Variants in SFI1 observed in about 807,000 individuals in gnomAD.
SFI1 encodes protein SFI1 homolog.
Under a neutral mutation model 207.5 loss-of-function variants are expected in SFI1, and 195 were observed. The ratio of observed to expected loss-of-function variants is 0.94; its 90% confidence interval spans 0.84 to 1.06. SFI1 has a LOEUF of 1.06. SFI1 is among the 50% of genes least tolerant of loss of function. SFI1 has a pLI of 0.00. For missense variants in SFI1, 1,634 were observed against 1,588.0 expected (o/e 1.03, Z -0.49); for synonymous variants, 630 against 598.9 (o/e 1.05, Z -0.76).
chr22:31,601,423 A>C (rs1399470862), intron 15 of SFI1, among the ~76,000 whole-genome samples: 1 of 152,092 alleles, frequency 6.6e-6, no homozygotes. Flanking sequence ...ATGCCCGGCC[A>C]ACCTTTCTAC....
At chr22:31,611,699 C>T in intron 23 of SFI1, 67 bp from the exon 24 acceptor site, 1 of 1,507,946 alleles carries the variant, frequency 6.6e-7, no homozygotes, top group Non-Finnish European at 9.0e-7. Flanking sequence ...TGGGTTAGAT[C>T]AGGACCCACC....
At chr22:31,508,901 A>G (rs988508889) in intron 2 of SFI1, among the ~76,000 whole-genome samples, 5 of 152,142 alleles carry the variant, frequency 3.3e-5, no homozygotes, top group Admixed American at 1.3e-4. Flanking sequence ...TAGTTCCTCT[A>G]TACCCACAAG....
intron 4 of SFI1, among the ~76,000 whole-genome samples, chr22:31,546,239 T>C (rs2060069730): frequency 6.6e-6 from 1 of 151,758 alleles, no homozygotes. Flanking sequence ...CCTGGCCTCA[T>C]GCAGTCCTCC....
At chr22:31,568,206 GTGTGTATA>G (rs1569333989) in intron 8 of SFI1, among the ~76,000 whole-genome samples, 14 of 136,776 alleles carry the variant, frequency 1.0e-4, no homozygotes, top group East Asian at 6.6e-4. Flanking sequence ...GTGTGTGTGT[GTGTGTATA>G]TATATATATA....
rs942447740 is a variant in SFI1, at chr22:31,615,448, A to G, written c.3300+169A>G. On this transcript the variant is annotated intron_variant, in intron 29 of 32. Transcript: ENST00000400288. ...ACTGCACACCAGGTCCAAGGGCCACAGCAGTGAACAGCCAGCCAAGGGCCC... is the reference window on the plus strand; with the variant it reads ...ACTGCACACCAGGTCCAAGGGCCACGGCAGTGAACAGCCAGCCAAGGGCCC... The G allele has an allele frequency of 9.7e-6, 5 of 515,924 alleles. No homozygotes were observed. The African/African-American group carries it at 9.7e-5, about 10-fold the overall frequency. 32.0% of individuals were successfully genotyped at this position (515,924 alleles called of 1,614,324 possible).
At chr22:31,522,312 C>T (rs1272116954) in intron 2 of SFI1, among the ~76,000 whole-genome samples, 1 of 152,140 alleles carries the variant, frequency 6.6e-6, no homozygotes, top group Non-Finnish European at 1.5e-5. Context: ...CCTGCCTCAG[C>T]CTCCCAAAGT....
chr22:31,604,808 C>G, intron 19 of SFI1, 61 bp from the exon 20 acceptor site: 1 of 1,507,446 alleles, frequency 6.6e-7, no homozygotes, highest in Non-Finnish European at 9.1e-7. Context: ...CCTCTGAGGC[C>G]TGCCTAAACA....
intron 18 of SFI1, 86 bp downstream of exon 18, chr22:31,603,905 G>A (rs2068529869): frequency 1.6e-6 from 2 of 1,217,434 alleles, no homozygotes; most frequent in Non-Finnish European, 2.3e-6. Context: ...CAACATATGG[G>A]CCACACCACC....
intron 8 of SFI1, among the ~76,000 whole-genome samples, chr22:31,570,831 A>G (rs2062873115): frequency 6.6e-6 from 1 of 152,200 alleles, no homozygotes; most frequent in African/African-American, 2.4e-5. Context: ...AGGTGCACAG[A>G]GGTGGGAGTC....
intron 9 of SFI1, among the ~76,000 whole-genome samples, chr22:31,574,927 C>G (rs2063315070): frequency 6.6e-6 from 1 of 151,846 alleles, no homozygotes. Context: ...GGGGTGGTGG[C>G]ACATGCCTGT....
At chr22:31,500,420 A>G (rs2146335018) in intron 1 of SFI1, among the ~76,000 whole-genome samples, 1 of 152,296 alleles carries the variant, frequency 6.6e-6, no homozygotes, top group East Asian at 1.9e-4. Context: ...GAAGAATCAG[A>G]TAATTGTTAG....
rs1187858986 is a variant in SFI1 at position 31,603,790 on chromosome 22, C to T, written c.1852C>T (p.Leu618=). ...RAAEFHMAQL[L]RWAWSQWREC... is the part of the protein sequence containing the mutation. Reference sequence around the variant, plus strand: ...AGCAGAATTCCACATGGCCCAGCTCCTGCGTTGGGCCTGGAGCCAGTGGAG... The same window carrying T: ...AGCAGAATTCCACATGGCCCAGCTCTTGCGTTGGGCCTGGAGCCAGTGGAG... The change falls in exon 18 of 33, where the codon CTG becomes TTG. Residue 618 remains leucine, a synonymous_variant. Coordinates refer to ENST00000400288, the MANE Select transcript of SFI1 (RefSeq NM_001007467.3). The T allele has an allele frequency of 1.3e-6, 2 of 1,557,706 alleles. No individual in the cohort carries two copies. The highest frequency in any genetic ancestry group is 2.5e-5 in the South Asian group (2 of 81,538).
intron 4 of SFI1, among the ~76,000 whole-genome samples, chr22:31,540,482 C>T (rs1445492815): frequency 6.6e-6 from 1 of 151,758 alleles, no homozygotes; most frequent in Non-Finnish European, 1.5e-5. Context: ...GGGTTTCACC[C>T]TCTTGGCCAG....
chr22:31,561,365 G>C lies in SFI1; in HGVS notation c.738G>C (p.Lys246Asn). Residue 246 changes from lysine to asparagine, a missense_variant, in exon 8 of 33, where the codon AAG becomes AAC. By Grantham distance (94) the Lys-to-Asn change is moderately conservative (BLOSUM62 0). Transcript: ENST00000400288. ...VSRALHASALKHRALSLQVQA... is the reference protein window; with the variant it reads ...VSRALHASALNHRALSLQVQA... ...GTGCCCTCCATGCCTCTGCTTTGAA[G>C]CACAGGGCCCTGAGCCTCCAGGTGC... 1 of 1,614,034 alleles carries C rather than the reference G, an allele frequency of 6.2e-7. No homozygotes were observed. Among genetic ancestry groups the C allele is most frequent in the South Asian group, 1.1e-5 (1 of 91,044 alleles).
chr22:31,570,883 G>A (rs558328996), intron 8 of SFI1, among the ~76,000 whole-genome samples: 1 of 152,312 alleles, frequency 6.6e-6, no homozygotes, highest in East Asian at 1.9e-4. Flanking sequence ...AAAGCCAGGT[G>A]AAGGAAGGAG....
Position 31,550,364 on chromosome 22 carries a change from C to G in SFI1, c.544+16C>G. On this transcript the variant is annotated intron_variant, in intron 6 of 32. Transcript: ENST00000400288. The stretch of plus-strand genomic sequence containing the variant: ...GAGGTTCATGGTGAGAAAAAGAAGT[C>G]CATGTCTGAAGAAGATGCCCACATT... 6.2e-7 allele frequency: 1 copy of G among 1,605,174 alleles called. No individual in the cohort carries two copies. The highest frequency in any genetic ancestry group is 1.1e-5 in the South Asian group (1 of 90,724).
At position 31,618,428 on chromosome 22, in the gene SFI1, A is replaced by G. The variant is rs1243146805; in HGVS notation, c.*10A>G. On this transcript the variant is annotated 3_prime_UTR_variant, in exon 33 of 33. Coordinates refer to ENST00000400288, the MANE Select transcript of SFI1 (RefSeq NM_001007467.3). The stretch of plus-strand genomic sequence containing the variant: ...GCAGGCCCTGTGCTAGCGTGTTCGC[A>G]CCAGGAACGCAGGTGCTGGGCTGTC... 7 of 1,554,528 alleles carry G rather than the reference A, an allele frequency of 4.5e-6. No individual in the cohort carries two copies. The highest frequency in any genetic ancestry group is 1.4e-5 in the African/African-American group (1 of 73,620).
intron 6 of SFI1, among the ~76,000 whole-genome samples, chr22:31,553,839 T>A (rs1245452874): frequency 8.6e-5 from 4 of 46,518 alleles, no homozygotes; most frequent in African/African-American, 3.6e-4. Flanking sequence ...ATGGATTATG[T>A]TTTTTTTTTT....
At chr22:31,569,347 G>A (rs1385949597) in intron 8 of SFI1, among the ~76,000 whole-genome samples, 1 of 152,122 alleles carries the variant, frequency 6.6e-6, no homozygotes, top group East Asian at 1.9e-4. Context: ...CTATGTAAGG[G>A]GAAGTACCCA....
Sources: allele counts gnomAD v4.1 joint callset (sites outside exome capture counted in the v4.1 genomes callset), GRCh38; gene constraint gnomAD v4.1.1; transcripts MANE v1.5; gene names NCBI Gene and HGNC (gene_info 2026-07-23, HGNC 2026-07-21).